NAALADL2: variants seen among roughly 807,000 people sequenced by gnomAD.
NAALADL2 encodes the protein N-acetylated alpha-linked acidic dipeptidase like 2, also known as inactive N-acetylated-alpha-linked acidic dipeptidase-like protein 2.
NAALADL2 carries 76 observed loss-of-function variants against 87.2 expected under a neutral mutation model. The ratio of observed to expected loss-of-function variants is 0.87; its 90% CI spans 0.72 to 1.05. The LOEUF (loss-of-function observed/expected upper bound fraction) is 1.05, where lower values mean the gene tolerates loss of function less well. NAALADL2 is among the 50% of genes least tolerant of loss of function. The pLI is 0.00. For missense variants in NAALADL2, 1,089 were observed against 945.8 expected, an observed-to-expected ratio of 1.15 and a Z score of -1.99; for synonymous variants, 354 against 331.0, an observed-to-expected ratio of 1.07 and a Z score of -0.75.
chr3:175,066,594 T>G (rs2109114947), intron 1 of NAALADL2, among the ~76,000 whole-genome samples: 1 of 152,242 alleles, frequency 6.6e-6, no homozygotes, highest in Non-Finnish European at 1.5e-5. Context: ...CTGAATGGCT[T>G]ATGGTGAGGT....
At chr3:175,598,920 T>A (rs760557576) in intron 10 of NAALADL2, among the ~76,000 whole-genome samples, 9 of 152,178 alleles carry the variant, frequency 5.9e-5, no homozygotes, top group Non-Finnish European at 1.2e-4. Context: ...GCACTGACAT[T>A]GTTAAGGTTA....
chr3:175,495,093 T>TATATATATATATA (rs1491546516), intron 9 of NAALADL2, among the ~76,000 whole-genome samples: 2 of 116,682 alleles, frequency 1.7e-5, no homozygotes, highest in East Asian at 3.4e-4. Context: ...TATATATATA[T>TATATATATATATA]TTTTTTTTAA....
At chr3:175,191,087 A>G (rs778717597) in intron 2 of NAALADL2, among the ~76,000 whole-genome samples, 3 of 152,150 alleles carry the variant, frequency 2.0e-5, no homozygotes, top group Non-Finnish European at 4.4e-5. Context: ...ATTGTACTGT[A>G]TTTGGAATTT....
At chr3:175,102,218 C>G (rs1400273930) in intron 2 of NAALADL2, among the ~76,000 whole-genome samples, 1 of 152,110 alleles carries the variant, frequency 6.6e-6, no homozygotes. Context: ...GTACATAAAT[C>G]CAATTGTGCC....
intron 2 of NAALADL2, among the ~76,000 whole-genome samples, chr3:175,173,539 T>C (rs1455840798): frequency 2.0e-5 from 3 of 152,146 alleles, no homozygotes; most frequent in Non-Finnish European, 4.4e-5. Flanking sequence ...TAGTTTATTT[T>C]AGCGGAGCTA....
chr3:175,037,854 C>T (rs758042094), intron 1 of NAALADL2, among the ~76,000 whole-genome samples: 2 of 152,070 alleles, frequency 1.3e-5, no homozygotes, highest in Non-Finnish European at 2.9e-5. Flanking sequence ...CTTGCAAGGC[C>T]CCTTAGGTGC....
intron 5 of NAALADL2, among the ~76,000 whole-genome samples, chr3:175,345,479 G>C (rs1179833844): frequency 6.6e-6 from 1 of 152,114 alleles, no homozygotes; most frequent in East Asian, 1.9e-4. Context: ...ACTTCTTAGA[G>C]AATGAGCGTG....
At chr3:175,269,626 C>T (rs1255427634) in intron 4 of NAALADL2, among the ~76,000 whole-genome samples, 1 of 152,226 alleles carries the variant, frequency 6.6e-6, no homozygotes. Context: ...CACTCCTTAT[C>T]TTCCTAAAAA....
chr3:175,422,908 C>T (rs1715950180), intron 5 of NAALADL2, among the ~76,000 whole-genome samples: 1 of 150,852 alleles, frequency 6.6e-6, no homozygotes, highest in Admixed American at 6.6e-5. Flanking sequence ...CAGCTTGGGG[C>T]CAGGCACCAA....
intron 9 of NAALADL2, among the ~76,000 whole-genome samples, chr3:175,552,818 CAT>C (rs1212845787): frequency 6.6e-6 from 1 of 151,814 alleles, no homozygotes; most frequent in Non-Finnish European, 1.5e-5. Context: ...TATGATATGC[CAT>C]ATATTCCTGG....
At chr3:174,794,044 G>A (rs1413731916) in intron 3 of NAALADL2, among the ~76,000 whole-genome samples, 1 of 152,036 alleles carries the variant, frequency 6.6e-6, no homozygotes, top group East Asian at 1.9e-4. Context: ...TACAGTTGCT[G>A]AGCAACTGGA....
intron 1 of NAALADL2, among the ~76,000 whole-genome samples, chr3:174,961,793 A>C (rs762593872): frequency 6.6e-6 from 1 of 152,068 alleles, no homozygotes; most frequent in Non-Finnish European, 1.5e-5. Context: ...AGAAAGATAC[A>C]TATGTTAAAC....
At chr3:174,754,418 A>G (rs1711714554) in intron 3 of NAALADL2, among the ~76,000 whole-genome samples, 2 of 151,674 alleles carry the variant, frequency 1.3e-5, no homozygotes, top group Non-Finnish European at 2.9e-5. Context: ...TTAACAAAGT[A>G]TAAAATAAGG....
chr3:175,385,110 G>C (rs1287121347), intron 5 of NAALADL2, among the ~76,000 whole-genome samples: 1 of 151,960 alleles, frequency 6.6e-6, no homozygotes, highest in African/African-American at 2.4e-5. Context: ...GAACATTCAA[G>C]CTTCAGGCAC....
At chr3:175,505,420 A>G (rs1480893471) in intron 9 of NAALADL2, among the ~76,000 whole-genome samples, 1 of 152,158 alleles carries the variant, frequency 6.6e-6, no homozygotes, top group African/African-American at 2.4e-5. Flanking sequence ...GTCAACCCAC[A>G]GTCCATAAAG....
At chr3:174,516,377 T>C (rs544950957) in intron 1 of NAALADL2, among the ~76,000 whole-genome samples, 98 of 152,224 alleles carry the variant, frequency 6.4e-4, no homozygotes, top group Non-Finnish European at 1.3e-3. Context: ...TTTTTCCTCC[T>C]GTCTTGGGGG....
chr3:174,897,465 G>A (rs1360622567), intron 1 of NAALADL2, among the ~76,000 whole-genome samples: 1 of 149,824 alleles, frequency 6.7e-6, no homozygotes, highest in Non-Finnish European at 1.5e-5. Context: ...CAAAACTAGA[G>A]ATATAATTTC....
At chr3:175,523,505 TATAA>T (rs1365616131) in intron 9 of NAALADL2, among the ~76,000 whole-genome samples, 2 of 152,224 alleles carry the variant, frequency 1.3e-5, no homozygotes, top group Non-Finnish European at 2.9e-5. Context: ...TAAACAGTGT[TATAA>T]ATAAAGTTTT....
At chr3:174,544,567 CTT>C (rs10575227) in intron 1 of NAALADL2, among the ~76,000 whole-genome samples, 1,843 of 115,018 alleles carry the variant, frequency 0.016, 12 homozygotes, top group Non-Finnish European at 0.022. Context: ...TTTTTGTTTT[CTT>C]TTTTTTTTTT....
Sources: gnomAD v4.1 joint callset for allele counts (sites outside exome capture counted in the v4.1 genomes callset) on GRCh38, gnomAD v4.1.1 for gene constraint, MANE v1.5 for transcripts, NCBI Gene and HGNC (gene_info 2026-07-23, HGNC 2026-07-21) for gene names.